C12orf42: variants seen among roughly 807,000 people sequenced by gnomAD.
C12orf42 encodes the protein chromosome 12 open reading frame 42.
A neutral mutation model predicts 21.6 loss-of-function variants in C12orf42; 25 were observed. The observed-to-expected ratio is 1.16, with a 90% CI of 0.84 to 1.62. The LOEUF is 1.62. Among genes scored for constraint, C12orf42 ranks in the 40% most tolerant of loss-of-function variants. The pLI is 0.00. For synonymous variants in C12orf42, 174 were observed against 175.0 expected (o/e 0.99, Z 0.05); for missense variants, 483 against 459.3 (o/e 1.05, Z -0.47).
intron 3 of C12orf42, among the ~76,000 whole-genome samples, chr12:103,396,022 T>C (rs974116257): frequency 2.0e-5 from 3 of 148,616 alleles, no homozygotes; most frequent in African/African-American, 7.3e-5. Flanking sequence ...AACATAGTTA[T>C]AACATAATAT....
intron 10 of C12orf42, among the ~76,000 whole-genome samples, chr12:103,242,513 GTTCT>G (rs969042065): frequency 4.6e-5 from 7 of 151,886 alleles, no homozygotes; most frequent in Non-Finnish European, 7.4e-5. Context: ...TTTTTAAAAA[GTTCT>G]TTATTACATT....
At chr12:103,466,996 T>C (rs1198652035) in intron 2 of C12orf42, among the ~76,000 whole-genome samples, 1 of 152,208 alleles carries the variant, frequency 6.6e-6, no homozygotes, top group Admixed American at 6.5e-5. Context: ...AAATCAGCCT[T>C]GCTGTCTAGT....
At chr12:103,207,270 T>C in the C12orf42 span, among the ~76,000 whole-genome samples, 1 of 152,210 alleles carries the variant, frequency 6.6e-6, no homozygotes, top group South Asian at 2.1e-4. Flanking sequence ...AAATTTAGGG[T>C]TCTTTGTTAC....
chr12:103,453,617 C>T (rs1344755238), intron 2 of C12orf42, among the ~76,000 whole-genome samples: 1 of 151,934 alleles, frequency 6.6e-6, no homozygotes, highest in Non-Finnish European at 1.5e-5. Context: ...CCTTATTTCC[C>T]TAATAATATT....
At chr12:103,434,707 C>G (rs1019720758) in intron 2 of C12orf42, among the ~76,000 whole-genome samples, 1 of 152,214 alleles carries the variant, frequency 6.6e-6, no homozygotes, top group Non-Finnish European at 1.5e-5. Context: ...TTAAAAAACA[C>G]CGCACCACGA....
intron 4 of C12orf42, among the ~76,000 whole-genome samples, chr12:103,292,548 A>G (rs1250979364): frequency 6.6e-6 from 1 of 152,102 alleles, no homozygotes; most frequent in Non-Finnish European, 1.5e-5. Flanking sequence ...ATAGTGTCTA[A>G]CATACAGTAA....
intron 4 of C12orf42, among the ~76,000 whole-genome samples, chr12:103,364,714 C>T (rs1009055264): frequency 3.3e-5 from 5 of 151,856 alleles, no homozygotes; most frequent in Non-Finnish European, 7.4e-5. Context: ...TTTTTACCTA[C>T]ATAAAATAGA....
chr12:103,076,289 C>T, the C12orf42 span, among the ~76,000 whole-genome samples: 2 of 140,588 alleles, frequency 1.4e-5, no homozygotes, highest in South Asian at 2.3e-4. Context: ...TTACCCAAGC[C>T]TTTTTTTTTT....
At chr12:103,068,063 AC>A in the C12orf42 span, among the ~76,000 whole-genome samples, 1 of 152,134 alleles carries the variant, frequency 6.6e-6, no homozygotes, top group Non-Finnish European at 1.5e-5. Context: ...AAAAAGCATG[AC>A]CTGCTGAGGT....
chr12:103,521,939 A>T, the C12orf42 span, among the ~76,000 whole-genome samples: 3 of 152,228 alleles, frequency 2.0e-5, no homozygotes, highest in Non-Finnish European at 4.4e-5. Context: ...GTGGTGCTCA[A>T]AAGACATTAA....
chr12:103,550,285 A>G, the C12orf42 span, among the ~76,000 whole-genome samples: 18 of 152,190 alleles, frequency 1.2e-4, no homozygotes, highest in African/African-American at 4.1e-4. Flanking sequence ...GAATAAAACT[A>G]TACTCAAAGT....
the C12orf42 span, chr12:103,547,764 T>C: frequency 1.3e-5 from 2 of 152,142 alleles, no homozygotes; most frequent in Non-Finnish European, 2.9e-5. Context: ...CTGGAGACAA[T>C]GAAATAAGAT....
At chr12:103,364,812 A>G (rs1427686640) in intron 4 of C12orf42, among the ~76,000 whole-genome samples, 1 of 152,058 alleles carries the variant, frequency 6.6e-6, no homozygotes, top group Non-Finnish European at 1.5e-5. Context: ...ACAGAACAAT[A>G]ACAAGCAGCG....
At chr12:103,075,101 TAAAC>T in the C12orf42 span, among the ~76,000 whole-genome samples, 7 of 151,950 alleles carry the variant, frequency 4.6e-5, no homozygotes, top group African/African-American at 1.7e-4. Context: ...TAAAAAAACA[TAAAC>T]AAACACACAC....
At chr12:103,210,451 C>A in the C12orf42 span, among the ~76,000 whole-genome samples, 1 of 152,014 alleles carries the variant, frequency 6.6e-6, no homozygotes, top group African/African-American at 2.4e-5. Context: ...TACCACTTGC[C>A]TCTCTCCTCA....
At chr12:103,338,244 A>G (rs79711332) in intron 4 of C12orf42, among the ~76,000 whole-genome samples, 2 of 152,322 alleles carry the variant, frequency 1.3e-5, no homozygotes, top group Non-Finnish European at 2.9e-5. Context: ...ATAAAGTTCT[A>G]TCTCTTTTGT....
chr12:103,109,585 T>C, the C12orf42 span, among the ~76,000 whole-genome samples: 1 of 148,934 alleles, frequency 6.7e-6, no homozygotes, highest in Non-Finnish European at 1.5e-5. Flanking sequence ...TATAATTACA[T>C]AATATAATTT....
At chr12:103,155,359 G>A in the C12orf42 span, 2 of 152,240 alleles carry the variant, frequency 1.3e-5, no homozygotes, top group Admixed American at 6.5e-5. Flanking sequence ...ATTCAATGGT[G>A]AAAGGTAAAT....
the C12orf42 span, among the ~76,000 whole-genome samples, chr12:103,101,125 T>C: frequency 1.3e-5 from 2 of 152,212 alleles, no homozygotes; most frequent in Admixed American, 1.3e-4. Context: ...CTTCACAAGG[T>C]TATCACAAGG....
Sources: allele counts gnomAD v4.1 joint callset (sites outside exome capture counted in the v4.1 genomes callset), GRCh38; gene constraint gnomAD v4.1.1; transcripts MANE v1.5; gene names NCBI Gene and HGNC (gene_info 2026-07-23, HGNC 2026-07-21).